Variants in MTPAP observed in about 807,000 individuals in gnomAD.
The protein encoded by MTPAP is mitochondrial poly(A) polymerase, also known as poly(A) RNA polymerase, mitochondrial.
In MTPAP, 23 loss-of-function variants were observed where a neutral mutation model predicts 48.7. The observed-to-expected ratio is 0.47, with a 90% confidence interval of 0.34 to 0.67. MTPAP has a LOEUF of 0.67. Ranked by LOEUF, MTPAP falls within the 30% of genes least tolerant of loss-of-function variation. MTPAP has a pLI of 0.01. For missense variants in MTPAP, 614 were observed against 694.3 expected, an observed-to-expected ratio of 0.88 and a Z score of 1.30; for synonymous variants, 257 against 254.1, an observed-to-expected ratio of 1.01 and a Z score of -0.11.
At chr10:30,319,057 G>A (rs990680711) in intron 6 of MTPAP, among the ~76,000 whole-genome samples, 10 of 147,944 alleles carry the variant, frequency 6.8e-5, no homozygotes, top group African/African-American at 2.7e-4. Flanking sequence ...AAAAAAAAGC[G>A]GGGTGGCTGG....
intron 1 of MTPAP, among the ~76,000 whole-genome samples, chr10:30,347,244 A>G (rs186820824): frequency 6.6e-6 from 1 of 152,362 alleles, no homozygotes; most frequent in East Asian, 1.9e-4. Flanking sequence ...TTAGCTCACT[A>G]TAAATATTTT....
At chr10:30,345,253 C>T (rs1834860718) in intron 1 of MTPAP, among the ~76,000 whole-genome samples, 1 of 152,134 alleles carries the variant, frequency 6.6e-6, no homozygotes, top group Non-Finnish European at 1.5e-5. Flanking sequence ...AGAAGATACA[C>T]ATTTACTTTA....
At chr10:30,322,341 T>C (rs1350624400) in intron 6 of MTPAP, 50 bp downstream of exon 6, 1 of 1,365,026 alleles carries the variant, frequency 7.3e-7, no homozygotes, top group Admixed American at 1.7e-5. Context: ...TAATTATATT[T>C]ACTCATAACA....
At chr10:30,322,296 A>C in intron 6 of MTPAP, 95 bp downstream of exon 6, 1 of 1,087,404 alleles carries the variant, frequency 9.2e-7, no homozygotes, top group African/African-American at 1.6e-5. Context: ...TTTTATGACT[A>C]ATAAACAAAT....
chr10:30,326,684 A>G (rs755389327), intron 4 of MTPAP, 49 bp from the exon 5 acceptor site: 13 of 1,414,788 alleles, frequency 9.2e-6, no homozygotes, highest in Non-Finnish European at 1.3e-5. Context: ...AAAAAAAACA[A>G]TTTTTTAATA....
chr10:30,339,553 A>G (rs1834774591), intron 3 of MTPAP, among the ~76,000 whole-genome samples: 1 of 151,964 alleles, frequency 6.6e-6, no homozygotes, highest in Admixed American at 6.6e-5. Context: ...ACCATGTACA[A>G]TTTTATGTCA....
At chr10:30,340,146 G>T in intron 3 of MTPAP, 80 bp downstream of exon 3, 1 of 1,175,160 alleles carries the variant, frequency 8.5e-7, no homozygotes, top group Non-Finnish European at 1.2e-6. Context: ...CAATAATGTA[G>T]CTTGAACATT....
At chr10:30,340,656 C>T (rs990262448) in intron 2 of MTPAP, among the ~76,000 whole-genome samples, 10 of 152,146 alleles carry the variant, frequency 6.6e-5, no homozygotes, top group Non-Finnish European at 1.2e-4. Context: ...CAGTGGCTCA[C>T]GCTTGTAATC....
chr10:30,319,730 T>C (rs1191638693), intron 6 of MTPAP, among the ~76,000 whole-genome samples: 1 of 152,246 alleles, frequency 6.6e-6, no homozygotes, highest in Non-Finnish European at 1.5e-5. Flanking sequence ...CCATAGGTGA[T>C]GGAAGGCAAA....
At chr10:30,345,131 C>T (rs570830541) in intron 1 of MTPAP, among the ~76,000 whole-genome samples, 1 of 152,176 alleles carries the variant, frequency 6.6e-6, no homozygotes, top group Non-Finnish European at 1.5e-5. Flanking sequence ...AACATATACA[C>T]TTGTATCCAT....
At chr10:30,331,054 C>A (rs1256731633) in intron 4 of MTPAP, among the ~76,000 whole-genome samples, 1 of 152,124 alleles carries the variant, frequency 6.6e-6, no homozygotes, top group Non-Finnish European at 1.5e-5. Flanking sequence ...AAAATGCAAG[C>A]CACGAAGAAT....
chr10:30,313,776 C>G lies in MTPAP; in HGVS notation c.1582G>C (p.Val528Leu), dbSNP rs1460157406. The part of the protein sequence containing the change: ...SISSNRPWGL[V>L]SLLLPSAPNR... ...GGAGCAGATGGTAGCAATAGGGATA[C>G]CAGCCCCCAGGGCCGATTACTTGAT... Residue 528 changes from valine (V) to leucine (L), a missense_variant, in exon 9 of 9, where the codon GTA becomes CTA. Physicochemically the swap from Val to Leu is conservative, Grantham distance 32 (BLOSUM62 1). This residue lies in a region of MTPAP where 109 missense variants were observed against 100.5 expected (regional missense o/e 1.08). Coordinates refer to ENST00000263063, the MANE Select transcript of MTPAP (RefSeq NM_018109.4). 1 of 1,614,140 alleles carries G rather than the reference C, an allele frequency of 6.2e-7. No homozygotes were observed.
At chr10:30,336,572 CAATT>C (rs1293972106) in intron 4 of MTPAP, among the ~76,000 whole-genome samples, 2 of 152,200 alleles carry the variant, frequency 1.3e-5, no homozygotes, top group African/African-American at 4.8e-5. Flanking sequence ...CACTTGAAAA[CAATT>C]AACTATTTGA....
At chr10:30,348,909 C>G in intron 1 of MTPAP, 1 of 662,018 alleles carries the variant, frequency 1.5e-6, no homozygotes, top group Non-Finnish European at 2.6e-6. Flanking sequence ...GGAGTCGCCC[C>G]AAACAAACAT....
At chr10:30,345,349 A>AT (rs572696059) in intron 1 of MTPAP, among the ~76,000 whole-genome samples, 3 of 152,326 alleles carry the variant, frequency 2.0e-5, no homozygotes, top group African/African-American at 7.2e-5. Context: ...GTGGTTTACC[A>AT]TTTTTTCACT....
At position 30,313,926 on chromosome 10, in the gene MTPAP, T is replaced by C. The variant is rs267606900; in HGVS notation, c.1432A>G (p.Asn478Asp). 1.9e-6 allele frequency: 3 copies of C among 1,613,930 alleles called. No homozygotes were observed. Among genetic ancestry groups the C allele is most frequent in the Non-Finnish European group, 2.5e-6 (3 of 1,179,880 alleles). Residue 478 changes from asparagine (N) to aspartate (D), a missense_variant, in exon 9 of 9, where the codon AAT becomes GAT. Asn to Asp is a conservative substitution (Grantham distance 23). Around this residue, in one of 5 missense-constraint regions of MTPAP, gnomAD observed 261 missense variants for 355.4 expected, o/e 0.73. Transcript: ENST00000263063. ...ATGTTGAGAGAAGTTTCAAATGGAT[T>C]CTGAATGTACAGAGGAGAAGAATCA... ...KPDSSPLYIQNPFETSLNISK... is the reference protein window; with the variant it reads ...KPDSSPLYIQDPFETSLNISK...
Position 30,349,109 on chromosome 10 carries a change from G to A in MTPAP, c.157+10C>T, listed in dbSNP as rs1472088168. On this transcript the variant is annotated intron_variant, in intron 1 of 8. Coordinates refer to ENST00000263063, the MANE Select transcript of MTPAP (RefSeq NM_018109.4). ...TGGGACGGAACTACAGGGCAAACCG[G>A]CGCCATCACCTGTCTCCACGCTCCC... The A allele has an allele frequency of 6.2e-7, 1 of 1,613,572 alleles. No individual in the cohort carries two copies. The highest frequency in any genetic ancestry group is 8.5e-7 in the Non-Finnish European group (1 of 1,179,788).
chr10:30,336,137 G>A lies in MTPAP; in HGVS notation c.780+666C>T, dbSNP rs115216917. 8.7e-3 allele frequency among the ~76,000 whole-genome samples: 1,322 copies of A among 152,284 alleles called. 22 individuals carry two copies. Among genetic ancestry groups the A allele is most frequent in the African/African-American group, 0.03 (1,260 of 41,558 alleles). On this transcript the variant is annotated intron_variant, in intron 4 of 8. Coordinates refer to ENST00000263063, the MANE Select transcript of MTPAP (RefSeq NM_018109.4). ...AATAAACATATTGAACTCAAAGACT[G>A]ATAGACTGGAGTAAAAGCATACTGC...
At position 30,340,376 on chromosome 10, in the gene MTPAP, G is replaced by A. The variant is rs774917944; in HGVS notation, c.405C>T (p.Ser135=). The A allele has an allele frequency of 1.4e-5, 23 of 1,614,132 alleles. No homozygotes were observed. In the South Asian group the frequency reaches 2.5e-4, roughly 18 times the overall value. Reference sequence around the variant, plus strand: ...ATGGAATTGCAGTCTCCATGGCCGTGCTTGGAGTATGAGTCCCATTCTGCA... The same window carrying A: ...ATGGAATTGCAGTCTCCATGGCCGTACTTGGAGTATGAGTCCCATTCTGCA... The part of the protein sequence containing the change: ...GSLQNGTHTP[S]TAMETAIPFR... Residue 135 remains serine, a synonymous_variant, in exon 3 of 9, where the codon AGC becomes AGT. Transcript: ENST00000263063.
Sources: allele counts gnomAD v4.1 joint callset (sites outside exome capture counted in the v4.1 genomes callset), GRCh38; gene constraint gnomAD v4.1.1; regional missense constraint gnomAD v4.1.1; transcripts MANE v1.5; gene names NCBI Gene and HGNC (gene_info 2026-07-23, HGNC 2026-07-21).